Variants in LOC128462377 observed in about 807,000 individuals in gnomAD.
At chr16:89,404,805 C>A in the LOC128462377 span, among the ~76,000 whole-genome samples, 1 of 152,234 alleles carries the variant, frequency 6.6e-6, no homozygotes, top group African/African-American at 2.4e-5. Context: ...ATGAAGGCAT[C>A]ATGGATCCAA....
At chr16:89,378,540 G>A in the LOC128462377 span, among the ~76,000 whole-genome samples, 2 of 152,180 alleles carry the variant, frequency 1.3e-5, no homozygotes, top group Non-Finnish European at 2.9e-5. Flanking sequence ...AAATGTACGT[G>A]CTATAAGGCT....
the LOC128462377 span, among the ~76,000 whole-genome samples, chr16:89,407,871 AAAG>A: frequency 3.4e-4 from 40 of 117,982 alleles, no homozygotes; most frequent in East Asian, 1.7e-3. Flanking sequence ...AAAAAAAAAA[AAAG>A]AAGAAGAAGA....
the LOC128462377 span, among the ~76,000 whole-genome samples, chr16:89,335,893 G>C: frequency 4.6e-5 from 7 of 152,292 alleles, no homozygotes; most frequent in Middle Eastern, 6.8e-3. Flanking sequence ...ATCCCCACAC[G>C]CCAGCAGCTG....
At chr16:89,369,102 A>C in the LOC128462377 span, among the ~76,000 whole-genome samples, 2 of 152,032 alleles carry the variant, frequency 1.3e-5, no homozygotes, top group South Asian at 4.2e-4. Flanking sequence ...ATCACTACCA[A>C]GCTCTGGCCT....
the LOC128462377 span, among the ~76,000 whole-genome samples, chr16:89,390,722 A>C: frequency 6.6e-6 from 1 of 152,188 alleles, no homozygotes; most frequent in Non-Finnish European, 1.5e-5. Flanking sequence ...CAGCACCCGT[A>C]AGTCCTGCAG....
the LOC128462377 span, among the ~76,000 whole-genome samples, chr16:89,352,859 G>C: frequency 6.6e-6 from 1 of 152,176 alleles, no homozygotes; most frequent in Non-Finnish European, 1.5e-5. Flanking sequence ...TCAGCATCTT[G>C]TCCTTTCCCT....
chr16:89,385,870 T>C, the LOC128462377 span, among the ~76,000 whole-genome samples: 2 of 152,184 alleles, frequency 1.3e-5, no homozygotes, highest in Non-Finnish European at 2.9e-5. Context: ...AAGAGCTCCA[T>C]TTGTGACCGT....
At chr16:89,372,662 G>A in the LOC128462377 span, among the ~76,000 whole-genome samples, 2 of 152,078 alleles carry the variant, frequency 1.3e-5, no homozygotes, top group African/African-American at 2.4e-5. Flanking sequence ...TTGAAAACAT[G>A]AACAAGTGCA....
chr16:89,406,225 G>C, the LOC128462377 span, among the ~76,000 whole-genome samples: 1 of 151,996 alleles, frequency 6.6e-6, no homozygotes, highest in Non-Finnish European at 1.5e-5. Flanking sequence ...TTGGTGCTGT[G>C]AGCAAGGGGC....
At chr16:89,358,826 CT>C in the LOC128462377 span, among the ~76,000 whole-genome samples, 1 of 151,876 alleles carries the variant, frequency 6.6e-6, no homozygotes, top group Non-Finnish European at 1.5e-5. Flanking sequence ...TGTTTTTTGC[CT>C]GTAGGTTTTT....
the LOC128462377 span, among the ~76,000 whole-genome samples, chr16:89,395,238 G>A: frequency 6.6e-6 from 1 of 152,236 alleles, no homozygotes; most frequent in Non-Finnish European, 1.5e-5. Context: ...TGCAAGCCAA[G>A]TAAACTGGCT....
the LOC128462377 span, among the ~76,000 whole-genome samples, chr16:89,365,493 C>T: frequency 6.6e-6 from 1 of 152,200 alleles, no homozygotes; most frequent in South Asian, 2.1e-4. Flanking sequence ...TGCAGCCTTA[C>T]CGTGCTGCTG....
At chr16:89,408,321 A>T in the LOC128462377 span, among the ~76,000 whole-genome samples, 1 of 152,226 alleles carries the variant, frequency 6.6e-6, no homozygotes, top group Non-Finnish European at 1.5e-5. Context: ...AGACATGGTG[A>T]CCAGGACAAA....
chr16:89,390,970 T>C, the LOC128462377 span, among the ~76,000 whole-genome samples: 1 of 152,204 alleles, frequency 6.6e-6, no homozygotes, highest in African/African-American at 2.4e-5. Flanking sequence ...GGCTCACGCC[T>C]GTAATCACAG....
chr16:89,322,000 G>C, the LOC128462377 span, among the ~76,000 whole-genome samples: 1 of 152,186 alleles, frequency 6.6e-6, no homozygotes, highest in Non-Finnish European at 1.5e-5. Flanking sequence ...TCTCTAGTTT[G>C]CTCTACCCTA....
the LOC128462377 span, among the ~76,000 whole-genome samples, chr16:89,367,120 C>T: frequency 8.8e-4 from 134 of 152,326 alleles, no homozygotes; most frequent in Non-Finnish European, 1.3e-3. Context: ...ATACTCACTA[C>T]CTCAACTCTC....
the LOC128462377 span, among the ~76,000 whole-genome samples, chr16:89,346,401 G>A: frequency 1.6e-3 from 237 of 152,246 alleles, no homozygotes; most frequent in African/African-American, 5.3e-3. Flanking sequence ...AGACCAAGCT[G>A]GAGCTAAACA....
the LOC128462377 span, among the ~76,000 whole-genome samples, chr16:89,380,143 C>T: frequency 7.4e-4 from 112 of 152,248 alleles, no homozygotes; most frequent in Admixed American, 1.2e-3. Flanking sequence ...GACAGAGTCT[C>T]ATTCTGTCAC....
At chr16:89,374,927 C>T in the LOC128462377 span, among the ~76,000 whole-genome samples, 2 of 151,662 alleles carry the variant, frequency 1.3e-5, no homozygotes, top group African/African-American at 2.4e-5. Context: ...CCAGGAATAC[C>T]GAAAAAAGTC....
Sources: allele counts gnomAD v4.1 joint callset (sites outside exome capture counted in the v4.1 genomes callset), GRCh38; gene constraint gnomAD v4.1.1; transcripts MANE v1.5.